The following CFAP20 variants were observed in gnomAD, a reference collection of about 807,000 sequenced individuals.
CFAP20 encodes the protein cilia and flagella associated protein 20.
Under a neutral mutation model 25.5 loss-of-function variants are expected in CFAP20, and 14 were observed. The observed-to-expected ratio is 0.55, with a 90% CI of 0.36 to 0.86. The LOEUF (loss-of-function observed/expected upper bound fraction) is 0.86, where lower values mean the gene tolerates loss of function less well. CFAP20 is among the 40% of genes least tolerant of loss of function. The pLI is 0.01. For missense variants in CFAP20, 181 were observed against 248.0 expected, an observed-to-expected ratio of 0.73 and a Z score of 1.81; for synonymous variants, 75 against 91.1, an observed-to-expected ratio of 0.82 and a Z score of 1.01.
intron 1 of CFAP20, among the ~76,000 whole-genome samples, chr16:58,128,757 C>T (rs902057779): frequency 3.7e-4 from 56 of 152,184 alleles, no homozygotes; most frequent in African/African-American, 1.2e-3. Context: ...GTCAAGACAG[C>T]AGCGAGGGTC....
chr16:58,115,473 A>T lies in CFAP20; in HGVS notation c.277-16T>A. ...CATCTAGTACCTGTGAAATACAGAG[A>T]AGAAGCATCACACTAGCTCTGTCTT... On this transcript the variant is annotated splice_polypyrimidine_tract_variant and intron_variant, in intron 3 of 5. Coordinates refer to ENST00000262498, the MANE Select transcript of CFAP20 (RefSeq NM_013242.3). 6.2e-7 allele frequency: 1 copy of T among 1,613,078 alleles called. No individual in the cohort carries two copies. The highest frequency in any genetic ancestry group is 8.5e-7 in the Non-Finnish European group (1 of 1,179,380).
chr16:58,123,145 C>T (rs1161363826), intron 1 of CFAP20, among the ~76,000 whole-genome samples: 1 of 151,918 alleles, frequency 6.6e-6, no homozygotes, highest in Non-Finnish European at 1.5e-5. Flanking sequence ...CAGGCATGTG[C>T]CACCATGCCC....
At chr16:58,114,385 G>A (rs1960427314) in intron 5 of CFAP20, among the ~76,000 whole-genome samples, 1 of 152,120 alleles carries the variant, frequency 6.6e-6, no homozygotes, top group East Asian at 1.9e-4. Flanking sequence ...AATTAGTTGG[G>A]CATGGTGGCA....
intron 1 of CFAP20, among the ~76,000 whole-genome samples, chr16:58,124,314 GT>G (rs1293827955): frequency 6.6e-6 from 1 of 152,156 alleles, no homozygotes; most frequent in Non-Finnish European, 1.5e-5. Context: ...TCTTATTTTA[GT>G]TTTGAGCAAA....
At chr16:58,115,124 G>C (rs989847214) in intron 4 of CFAP20, 145 bp downstream of exon 4, 20 of 1,217,114 alleles carry the variant, frequency 1.6e-5, no homozygotes, top group Non-Finnish European at 2.3e-5. Flanking sequence ...ATATTTCCTG[G>C]ACCTTTGTGA....
Position 58,129,341 on chromosome 16 carries a change from A to G in CFAP20, c.-226T>C, listed in dbSNP as rs990289017. ...GCTGCGAGCTCAGAACGGAAACCAC[A>G]GCAACTACCGTCCGCGCCGCGGTAT... On this transcript the variant is annotated 5_prime_UTR_variant, in exon 1 of 6. Coordinates refer to ENST00000262498, the MANE Select transcript of CFAP20 (RefSeq NM_013242.3). 4 of 524,204 alleles carry G rather than the reference A, an allele frequency of 7.6e-6. No homozygotes were observed. The highest frequency in any genetic ancestry group is 5.8e-5 in the African/African-American group (3 of 52,082). The allele number at this position is 524,204 out of a possible 1,614,324, so 32.5% of individuals were successfully genotyped here.
In CFAP20 at chr16:58,122,728, C is replaced by G. The variant is rs531541891; in HGVS notation, c.85-5777G>C. On this transcript the variant is annotated intron_variant, in intron 1 of 5. Coordinates refer to ENST00000262498, the MANE Select transcript of CFAP20 (RefSeq NM_013242.3). Reference sequence around the variant, plus strand: ...ATACACTCAATTCTACTACTGAAAACAGCACCAATTTAATTTTTATCAACA... The same window carrying G: ...ATACACTCAATTCTACTACTGAAAAGAGCACCAATTTAATTTTTATCAACA... 1.4e-4 allele frequency among the ~76,000 whole-genome samples: 22 copies of G among 152,288 alleles called. No homozygotes were observed. The South Asian group carries it at 4.6e-3, about 32-fold the overall frequency.
In CFAP20 at chr16:58,113,787, G is replaced by A; in HGVS notation, c.*238C>T. ...TCCCCCCACACTGGGGCAGGCGGCG[G>A]AATAAGCTCCAGCGTTCATGCGCCA... On this transcript the variant is annotated 3_prime_UTR_variant, in exon 6 of 6. Transcript: ENST00000262498. The A allele has an allele frequency of 1.9e-6, 1 of 521,152 alleles. No homozygotes were observed. Among genetic ancestry groups the A allele is most frequent in the East Asian group, 3.1e-5 (1 of 31,966 alleles). 32.3% of individuals were successfully genotyped at this position (521,152 alleles called of 1,614,324 possible). A position where few individuals can be genotyped will look rare whatever the true frequency, so the allele number is the denominator to read the frequency against.
At position 58,129,162 on chromosome 16, in the gene CFAP20, C is replaced by T. The variant is rs779658270; in HGVS notation, c.-47G>A. ...AGCCGCCCCCGGAGCCGACCTAGGC[C>T]CCGGAGTAGATACAGGCACCGAGCG... On this transcript the variant is annotated 5_prime_UTR_variant, in exon 1 of 6. Coordinates refer to ENST00000262498, the MANE Select transcript of CFAP20 (RefSeq NM_013242.3). 9.1e-5 allele frequency: 145 copies of T among 1,598,180 alleles called. No individual in the cohort carries two copies. The highest frequency in any genetic ancestry group is 1.2e-4 in the Non-Finnish European group (137 of 1,169,796).
chr16:58,119,803 G>A (rs1404379582), intron 1 of CFAP20, among the ~76,000 whole-genome samples: 2 of 150,662 alleles, frequency 1.3e-5, no homozygotes, highest in East Asian at 2.0e-4. Context: ...CACCTCACTC[G>A]CCATCTACTG....
chr16:58,123,380 A>G (rs1960563141), intron 1 of CFAP20, among the ~76,000 whole-genome samples: 5 of 147,736 alleles, frequency 3.4e-5, no homozygotes, highest in Admixed American at 3.3e-4. Flanking sequence ...GCGGATCACG[A>G]GGTCAGGAGA....
At chr16:58,122,101 G>C (rs1960541368) in intron 1 of CFAP20, among the ~76,000 whole-genome samples, 1 of 152,188 alleles carries the variant, frequency 6.6e-6, no homozygotes, top group Admixed American at 6.5e-5. Flanking sequence ...GACCCCTGTG[G>C]GGAGAACTGA....
chr16:58,119,582 A>G (rs897742379), intron 1 of CFAP20, among the ~76,000 whole-genome samples: 4 of 152,232 alleles, frequency 2.6e-5, no homozygotes, highest in Admixed American at 6.5e-5. Flanking sequence ...CGGGACCCCA[A>G]TCCCTGCCAA....
chr16:58,122,180 G>A (rs1960542574), intron 1 of CFAP20, among the ~76,000 whole-genome samples: 1 of 152,230 alleles, frequency 6.6e-6, no homozygotes, highest in African/African-American at 2.4e-5. Context: ...GTACTTGACA[G>A]GGGCTATCCA....
chr16:58,124,540 C>T (rs1005261851), intron 1 of CFAP20, among the ~76,000 whole-genome samples: 11 of 152,312 alleles, frequency 7.2e-5, no homozygotes, highest in African/African-American at 2.4e-4. Context: ...CCCTAGGCTA[C>T]AATCTGTACA....
At chr16:58,115,963 G>T in intron 3 of CFAP20, 78 bp downstream of exon 3, 1 of 997,684 alleles carries the variant, frequency 1.0e-6, no homozygotes, top group Non-Finnish European at 1.5e-6. Context: ...TACTTTGTAG[G>T]GTCACTTTTT....
intron 1 of CFAP20, among the ~76,000 whole-genome samples, chr16:58,120,268 T>C (rs562813301): frequency 1.3e-5 from 2 of 152,276 alleles, no homozygotes; most frequent in Non-Finnish European, 2.9e-5. Flanking sequence ...AAAGAGCAAA[T>C]AGACAGTTAA....
At chr16:58,120,070 T>C (rs986291685) in intron 1 of CFAP20, among the ~76,000 whole-genome samples, 1 of 152,074 alleles carries the variant, frequency 6.6e-6, no homozygotes, top group African/African-American at 2.4e-5. Context: ...ATATTCCTCC[T>C]GTATTTTCTG....
intron 1 of CFAP20, among the ~76,000 whole-genome samples, chr16:58,121,059 C>T (rs934168357): frequency 6.6e-6 from 1 of 152,166 alleles, no homozygotes; most frequent in African/African-American, 2.4e-5. Flanking sequence ...GGCGATCAAT[C>T]AGATATGTGC....
Sources: allele counts gnomAD v4.1 joint callset (sites outside exome capture counted in the v4.1 genomes callset), GRCh38; gene constraint gnomAD v4.1.1; transcripts MANE v1.5; gene names NCBI Gene and HGNC (gene_info 2026-07-23, HGNC 2026-07-21).